IL1RAPL2: variants seen among roughly 807,000 people sequenced by gnomAD.
IL1RAPL2 encodes X-linked interleukin-1 receptor accessory protein-like 2.
Under a neutral mutation model 44.1 loss-of-function variants are expected in IL1RAPL2, and 3 were observed. That is an observed-to-expected ratio of 0.07 (90% CI 0.03 to 0.18). The LOEUF is 0.18. Ranked by LOEUF, IL1RAPL2 falls within the 10% of genes least tolerant of loss-of-function variation. The probability of loss-of-function intolerance (pLI) is 1.00; values close to 1 mark genes in which losing one functional copy is unlikely to be tolerated. For synonymous variants in IL1RAPL2, 181 were observed against 178.8 expected (o/e 1.01, Z -0.10); for missense variants, 391 against 496.4 (o/e 0.79, Z 2.02).
At chrX:105,166,079 A>C (rs1041674462) in intron 2 of IL1RAPL2, among the ~76,000 whole-genome samples, 3 of 111,870 alleles carry the variant, frequency 2.7e-5, no homozygotes, top group African/African-American at 9.7e-5. Flanking sequence ...TATTATATGG[A>C]GAAATCATAT....
At chrX:105,129,028 A>G (rs965569929) in intron 2 of IL1RAPL2, among the ~76,000 whole-genome samples, 15 of 111,419 alleles carry the variant, frequency 1.3e-4, no homozygotes, top group Admixed American at 4.8e-4. Context: ...AACTGAGAGT[A>G]TATCTCTTCT....
chrX:105,444,113 G>A (rs138464632), intron 5 of IL1RAPL2, among the ~76,000 whole-genome samples: 14 of 111,559 alleles, frequency 1.3e-4, no homozygotes, highest in Non-Finnish European at 2.3e-4. Flanking sequence ...GCAACTTTTC[G>A]TATGCCTGTT....
chrX:105,601,617 A>G (rs1308578469), intron 6 of IL1RAPL2, among the ~76,000 whole-genome samples: 1 of 111,301 alleles, frequency 9.0e-6, no homozygotes, highest in Non-Finnish European at 1.9e-5. Flanking sequence ...GCTGTGAGGT[A>G]AGTATAGGCA....
intron 2 of IL1RAPL2, among the ~76,000 whole-genome samples, chrX:104,919,014 A>G (rs1162758098): frequency 2.7e-5 from 3 of 111,649 alleles, no homozygotes; most frequent in Admixed American, 9.6e-5. Context: ...AGGAAAATTC[A>G]TAGATGATAA....
chrX:105,555,037 A>G (rs185136904), intron 6 of IL1RAPL2, among the ~76,000 whole-genome samples: 288 of 108,713 alleles, frequency 2.6e-3, no homozygotes, highest in African/African-American at 9.2e-3. Context: ...CCTTGTGTAA[A>G]GCTTTGGGGA....
intron 2 of IL1RAPL2, among the ~76,000 whole-genome samples, chrX:104,940,049 TA>T (rs1461716616): frequency 8.9e-6 from 1 of 111,737 alleles, no homozygotes; most frequent in African/African-American, 3.3e-5. Flanking sequence ...GTGAATATAC[TA>T]AAAACATTGA....
rs749391458 is a variant in IL1RAPL2 at position 104,576,109 on chromosome X, A to G, written c.-20+9058A>G. ...TCTTAGTACAGCTTTATATGTATTA[A>G]ATCATTTCATATTAATAATTATTTT... On this transcript the variant is annotated intron_variant, in intron 1 of 10. Coordinates refer to ENST00000372582, the MANE Select transcript of IL1RAPL2 (RefSeq NM_017416.2). Among the ~76,000 whole-genome samples the G allele has an allele frequency of 4.5e-5, 5 of 111,655 alleles. No individual in the cohort carries two copies. In the South Asian group the frequency reaches 1.9e-3, roughly 42 times the overall value.
chrX:104,769,658 C>G (rs766729768), intron 2 of IL1RAPL2, among the ~76,000 whole-genome samples: 1 of 112,091 alleles, frequency 8.9e-6, no homozygotes, highest in African/African-American at 3.2e-5. Context: ...ACGTGTTCAA[C>G]TGGCACTTGC....
chrX:105,122,125 T>C (rs1302459443), intron 2 of IL1RAPL2, among the ~76,000 whole-genome samples: 1 of 111,640 alleles, frequency 9.0e-6, no homozygotes, highest in Non-Finnish European at 1.9e-5. Context: ...ATTTAATTTC[T>C]GGTCCCTGGA....
chrX:104,748,341 C>T, intron 2 of IL1RAPL2, among the ~76,000 whole-genome samples: 1 of 111,629 alleles, frequency 9.0e-6, no homozygotes. Flanking sequence ...AAATACATTT[C>T]TTGAAACTGA....
chrX:105,667,531 G>A (rs57604188), intron 6 of IL1RAPL2, among the ~76,000 whole-genome samples: 1 of 111,556 alleles, frequency 9.0e-6, no homozygotes, highest in East Asian at 2.8e-4. Context: ...GTTTGTCTTA[G>A]ATCATTAATT....
At chrX:105,075,254 G>T in intron 2 of IL1RAPL2, among the ~76,000 whole-genome samples, 1 of 111,741 alleles carries the variant, frequency 8.9e-6, no homozygotes, top group Non-Finnish European at 1.9e-5. Context: ...AGCATGAAGG[G>T]TTGTTGAATT....
At chrX:105,509,056 C>A (rs946672199) in intron 6 of IL1RAPL2, among the ~76,000 whole-genome samples, 1 of 111,713 alleles carries the variant, frequency 9.0e-6, no homozygotes, top group African/African-American at 3.3e-5. Flanking sequence ...GTGTTAGGCA[C>A]AATTCTAGGC....
At chrX:104,632,728 TAAG>T (rs1251607912) in intron 1 of IL1RAPL2, among the ~76,000 whole-genome samples, 1 of 108,468 alleles carries the variant, frequency 9.2e-6, no homozygotes, top group African/African-American at 3.3e-5. Context: ...CCTATCAGCT[TAAG>T]GAGATTTTGG....
intron 6 of IL1RAPL2, among the ~76,000 whole-genome samples, chrX:105,696,754 C>T (rs918177333): frequency 7.2e-5 from 8 of 111,156 alleles, no homozygotes; most frequent in Non-Finnish European, 1.1e-4. Context: ...GTTTCCTCTC[C>T]GGGGACCAGG....
intron 3 of IL1RAPL2, among the ~76,000 whole-genome samples, chrX:105,222,360 A>G (rs990520242): frequency 8.9e-6 from 1 of 112,543 alleles, no homozygotes; most frequent in Non-Finnish European, 1.9e-5. Context: ...TAAATCAAGC[A>G]TTAAAATATT....
At chrX:105,266,781 A>G (rs1192939605) in intron 4 of IL1RAPL2, among the ~76,000 whole-genome samples, 2 of 111,653 alleles carry the variant, frequency 1.8e-5, no homozygotes, top group African/African-American at 6.5e-5. Flanking sequence ...ATGTTTCTAG[A>G]GAAGTCCTTA....
At chrX:105,066,469 T>C (rs1383589294) in intron 2 of IL1RAPL2, among the ~76,000 whole-genome samples, 1 of 111,537 alleles carries the variant, frequency 9.0e-6, no homozygotes, top group Non-Finnish European at 1.9e-5. Flanking sequence ...TTATAAGGGA[T>C]GGAGAAGTGT....
intron 2 of IL1RAPL2, among the ~76,000 whole-genome samples, chrX:105,065,685 C>G (rs1300205467): frequency 1.8e-5 from 2 of 111,995 alleles, no homozygotes; most frequent in Non-Finnish European, 3.8e-5. Flanking sequence ...ATATAAAATG[C>G]TGGCAGTGGG....
Sources: gnomAD v4.1 joint callset for allele counts (sites outside exome capture counted in the v4.1 genomes callset) on GRCh38, gnomAD v4.1.1 for gene constraint, MANE v1.5 for transcripts, NCBI Gene and HGNC (gene_info 2026-07-23, HGNC 2026-07-21) for gene names.